The following IHO1 variants were observed in gnomAD, a reference collection of about 807,000 sequenced individuals.
IHO1 encodes the protein interactor of HORMAD1 1.
Under a neutral mutation model 31.0 loss-of-function variants are expected in IHO1, and 13 were observed. That is an observed-to-expected ratio of 0.42 (90% CI 0.27 to 0.67). The LOEUF (loss-of-function observed/expected upper bound fraction) is 0.67. Ranked by LOEUF, IHO1 falls within the 30% of genes least tolerant of loss-of-function variation. The pLI, the probability that IHO1 is intolerant of heterozygous loss-of-function variation, is 0.24. For synonymous variants in IHO1, 221 were observed against 248.4 expected, an observed-to-expected ratio of 0.89 and a Z score of 1.04; for missense variants, 599 against 687.5, an observed-to-expected ratio of 0.87 and a Z score of 1.44.
At chr3:49,228,072 G>T (rs1484987006) in intron 2 of IHO1, among the ~76,000 whole-genome samples, 2 of 152,148 alleles carry the variant, frequency 1.3e-5, no homozygotes, top group Non-Finnish European at 2.9e-5. Context: ...AGCAGGACTA[G>T]CCTCGGAGAA....
chr3:49,209,355 C>T (rs2107684263), intron 1 of IHO1, among the ~76,000 whole-genome samples: 1 of 152,266 alleles, frequency 6.6e-6, no homozygotes, highest in South Asian at 2.1e-4. Flanking sequence ...GCATTTCTGG[C>T]TGGGCACAGT....
Position 49,255,575 on chromosome 3 carries a change from T to C in IHO1, c.636+82T>C, listed in dbSNP as rs1175280047. On this transcript the variant is annotated intron_variant, in intron 7 of 7. Coordinates refer to ENST00000452691, the MANE Select transcript of IHO1 (RefSeq NM_001135197.2). Reference sequence around the variant, plus strand: ...GAGAGAAACTTTTTTTTTTTTTTTTTTTTTGAGACAGAGTCTCGCTTTGTC... The same window carrying C: ...GAGAGAAACTTTTTTTTTTTTTTTTCTTTTGAGACAGAGTCTCGCTTTGTC... 3.2e-6 allele frequency: 3 copies of C among 923,890 alleles called. No homozygotes were observed. The African/African-American group carries it at 5.2e-5, about 16-fold the overall frequency. The allele number at this position is 923,890 out of a possible 1,614,324, so 57.2% of individuals were successfully genotyped here.
intron 1 of IHO1, among the ~76,000 whole-genome samples, chr3:49,201,254 A>G (rs1471696797): frequency 4.6e-5 from 7 of 151,492 alleles, no homozygotes; most frequent in African/African-American, 1.7e-4. Flanking sequence ...CAGCCTCCCA[A>G]AGTGCTGGGA....
intron 2 of IHO1, chr3:49,228,464 A>G (rs2046441730): frequency 2.9e-6 from 1 of 339,972 alleles, no homozygotes; most frequent in African/African-American, 2.2e-5. Context: ...CTAAGGAAAA[A>G]TAGAACAGAA....
upstream of IHO1, among the ~76,000 whole-genome samples, chr3:49,195,518 C>A (rs2045991602): frequency 1.3e-5 from 2 of 150,000 alleles, no homozygotes; most frequent in African/African-American, 4.9e-5. Flanking sequence ...GAGATAGAGA[C>A]CATCCTGGCT....
At chr3:49,193,198 C>T in the IHO1 span, among the ~76,000 whole-genome samples, 2 of 151,746 alleles carry the variant, frequency 1.3e-5, no homozygotes, top group African/African-American at 4.8e-5. Flanking sequence ...TGGTGAAACT[C>T]TGTCTCTACC....
chr3:49,229,426 A>G (rs572940747), intron 2 of IHO1, among the ~76,000 whole-genome samples: 2 of 152,340 alleles, frequency 1.3e-5, no homozygotes, highest in East Asian at 3.9e-4. Context: ...TCAGATTACA[A>G]TGGGGAAATT....
At chr3:49,196,837 A>AT (rs2107672277), upstream of IHO1, among the ~76,000 whole-genome samples, 1 of 151,140 alleles carries the variant, frequency 6.6e-6, no homozygotes, top group East Asian at 2.0e-4. Context: ...CGCCTGGCTA[A>AT]TTTTTTGTAT....
the IHO1 span, chr3:49,191,835 A>G: frequency 6.7e-7 from 1 of 1,493,874 alleles, no homozygotes; most frequent in Middle Eastern, 1.7e-4. Context: ...ATCTTCAGGA[A>G]AGAGAATCTC....
At chr3:49,254,973 G>C (rs2046805502) in intron 6 of IHO1, among the ~76,000 whole-genome samples, 1 of 151,736 alleles carries the variant, frequency 6.6e-6, no homozygotes. Context: ...TGAGGCAGGA[G>C]AATCGCTCAA....
intron 4 of IHO1, among the ~76,000 whole-genome samples, chr3:49,242,194 C>T (rs949151089): frequency 7.2e-5 from 11 of 152,186 alleles, no homozygotes; most frequent in Non-Finnish European, 1.3e-4. Context: ...CTGCCCACTT[C>T]GGCCTCCCAA....
intron 6 of IHO1, among the ~76,000 whole-genome samples, chr3:49,248,477 C>T (rs2046723339): frequency 1.3e-5 from 2 of 151,620 alleles, no homozygotes; most frequent in African/African-American, 4.9e-5. Flanking sequence ...ACTTGTAATC[C>T]CAGCACTTTG....
intron 6 of IHO1, among the ~76,000 whole-genome samples, chr3:49,251,137 T>C (rs528820516): frequency 1.3e-5 from 2 of 151,454 alleles, no homozygotes; most frequent in South Asian, 4.2e-4. Flanking sequence ...TTGGTTTGTT[T>C]TGAGACAGAG....
intron 2 of IHO1, among the ~76,000 whole-genome samples, chr3:49,221,063 A>C (rs763950391): frequency 2.0e-5 from 3 of 151,972 alleles, no homozygotes; most frequent in Non-Finnish European, 4.4e-5. Flanking sequence ...CATTTTACAG[A>C]GTGCTGATTG....
At chr3:49,228,508 C>T (rs1265839885) in intron 2 of IHO1, among the ~76,000 whole-genome samples, 1 of 152,168 alleles carries the variant, frequency 6.6e-6, no homozygotes, top group Non-Finnish European at 1.5e-5. Flanking sequence ...GTACTCACTG[C>T]TTGGTGAAGG....
chr3:49,244,507 ATATT>A, intron 5 of IHO1, 55 bp downstream of exon 5: 1 of 1,334,488 alleles, frequency 7.5e-7, no homozygotes. Context: ...AAGAAGTTTA[ATATT>A]TATATTGTAT....
rs1202070384 is a variant in IHO1, at chr3:49,235,013, AT to A, written c.57-1530del. 1.3e-5 allele frequency among the ~76,000 whole-genome samples: 2 copies of A among 151,382 alleles called. 1 individual carries two copies. The highest frequency in any genetic ancestry group is 6.4e-3 in the Middle Eastern group (2 of 314). ...AGGTGTCTGCCACCATACCCAGCTA[AT>A]TTTTGTATTTTTAGTAGAGACAGGG... On this transcript the variant is annotated intron_variant, in intron 2 of 7. Transcript: ENST00000452691.
At chr3:49,247,951 C>A (rs2046714317) in intron 6 of IHO1, among the ~76,000 whole-genome samples, 1 of 151,572 alleles carries the variant, frequency 6.6e-6, no homozygotes, top group South Asian at 2.1e-4. Flanking sequence ...ATGGTGAAAA[C>A]CCGTCTCTAC....
intron 1 of IHO1, among the ~76,000 whole-genome samples, chr3:49,207,716 C>T (rs1488800834): frequency 1.3e-5 from 2 of 151,804 alleles, no homozygotes; most frequent in East Asian, 1.9e-4. Flanking sequence ...AAATTTCTAG[C>T]CTTTTCCTTA....
Sources: allele counts gnomAD v4.1 joint callset (sites outside exome capture counted in the v4.1 genomes callset), GRCh38; gene constraint gnomAD v4.1.1; transcripts MANE v1.5; gene names NCBI Gene and HGNC (gene_info 2026-07-23, HGNC 2026-07-21).